The following PIDD1 variants were observed in gnomAD, a reference collection of about 807,000 sequenced individuals.
The protein encoded by PIDD1 is p53-induced death domain-containing protein 1.
A neutral mutation model predicts 80.0 loss-of-function variants in PIDD1; 72 were observed. The observed-to-expected ratio is 0.90, with a 90% confidence interval of 0.74 to 1.09. The LOEUF (loss-of-function observed/expected upper bound fraction) is 1.09, where lower values mean the gene tolerates loss of function less well. Ranked by LOEUF, PIDD1 falls within the 50% of genes least tolerant of loss-of-function variation. PIDD1 has a pLI of 0.00. For missense variants in PIDD1, 1,329 were observed against 1,228.3 expected (o/e 1.08, Z -1.23); for synonymous variants, 655 against 543.5 (o/e 1.21, Z -2.85).
chr11:807,499 C>T (rs928018327), upstream of PIDD1, among the ~76,000 whole-genome samples: 5 of 145,526 alleles, frequency 3.4e-5, no homozygotes, highest in Non-Finnish European at 6.0e-5. Context: ...AAAAATAGGC[C>T]GGGCGTGGTG....
chr11:799,646 G>T (rs1011780009), intron 15 of PIDD1, 81 bp from the exon 16 acceptor site: 24 of 1,473,268 alleles, frequency 1.6e-5, no homozygotes, highest in Non-Finnish European at 2.1e-5. Flanking sequence ...GGAGTGTGGG[G>T]GAGTTCCCGG....
upstream of PIDD1, among the ~76,000 whole-genome samples, chr11:807,149 GGCACT>G (rs1376476851): frequency 2.0e-5 from 3 of 146,896 alleles, no homozygotes; most frequent in Non-Finnish European, 3.0e-5. Context: ...CTGAGATCTC[GGCACT>G]GCACTCCAGC....
rs1865144689 is a variant in PIDD1 at position 800,177 on chromosome 11, T to C, written c.2228A>G (p.Lys743Arg). Residue 743 changes from lysine (K) to arginine (R), a missense_variant, in exon 14 of 16, where the codon AAG (lysine) becomes AGG (arginine). Transcript: ENST00000347755. Reference protein sequence around the residue: ...PEEAEAARQRKGADALWMATL... With the variant: ...PEEAEAARQRRGADALWMATL... ...GGCCATCCACAGGGCGTCTGCGCCC[T>C]TCCTCTGCCGGGCAGCCTCAGCCTC... The C allele has an allele frequency of 1.9e-6, 3 of 1,611,058 alleles. No homozygotes were observed. Among genetic ancestry groups the C allele is most frequent in the East Asian group, 2.2e-5 (1 of 44,864 alleles).
At chr11:807,180 ACT>A (rs1865820582), upstream of PIDD1, among the ~76,000 whole-genome samples, 2 of 116,092 alleles carry the variant, frequency 1.7e-5, no homozygotes, top group African/African-American at 7.4e-5. Context: ...TGAGAGTGAG[ACT>A]CCCTCTCAAA....
chr11:803,261 T>G lies in PIDD1; in HGVS notation c.622A>C (p.Thr208Pro), dbSNP rs778520943. The change falls in exon 3 of 16, where the codon ACG (threonine) becomes CCG (proline). Residue 208 changes from threonine to proline, a missense_variant. Physicochemically the swap from Thr to Pro is conservative, Grantham distance 38. Transcript: ENST00000347755. The part of the protein sequence containing the change: ...RLDLSQNLLD[T>P]LPPEIGGLGS... ...AGGCCTCCAATCTCAGGAGGTAGCG[T>G]GTCCAGCAGATTCTGAGAGAGATCG... 10 of 1,613,426 alleles carry G rather than the reference T, an allele frequency of 6.2e-6. No individual in the cohort carries two copies. Among genetic ancestry groups the G allele is most frequent in the Middle Eastern group, 1.6e-4 (1 of 6,062 alleles).
rs1590147204 is a variant in PIDD1, at chr11:802,558, G to A, written c.959C>T (p.Thr320Ile). 13 of 1,613,416 alleles carry A rather than the reference G, an allele frequency of 8.1e-6. No homozygotes were observed. The highest frequency in any genetic ancestry group is 1.0e-5 in the Non-Finnish European group (12 of 1,179,760). The change falls in exon 5 of 16, where the codon ACC (threonine) becomes ATC (isoleucine). Residue 320 changes from threonine to isoleucine, a missense_variant. Thr to Ile is a moderately conservative substitution (Grantham distance 89, BLOSUM62 -1). Transcript: ENST00000347755. ...LIPEMPRLFL[T>I]SDLDSFPVTP... ...CACCCCATACCTGTCCAAATCTGAG[G>A]TCAGGAACAGTCTGGGCATTTCTGG... is the stretch of plus-strand genomic sequence containing the variant.
At position 800,721 on chromosome 11, in the gene PIDD1, C is replaced by T. The variant is rs1465981784; in HGVS notation, c.1917+41G>A. Reference sequence around the variant, plus strand: ...CAAAGCTCTGCACCCCACCCCAGCCCTCTGGTCACCACCCTGCTGCCCTCC... The same window carrying T: ...CAAAGCTCTGCACCCCACCCCAGCCTTCTGGTCACCACCCTGCTGCCCTCC... On this transcript the variant is annotated intron_variant, in intron 11 of 15. Coordinates refer to ENST00000347755, the MANE Select transcript of PIDD1 (RefSeq NM_145886.4). The T allele has an allele frequency of 5.8e-6, 9 of 1,547,542 alleles. No homozygotes were observed. In the East Asian group the frequency reaches 7.3e-5, roughly 12 times the overall value.
chr11:805,353 TC>T, upstream of PIDD1: 2 of 456,512 alleles, frequency 4.4e-6, no homozygotes, highest in Non-Finnish European at 5.8e-6. Flanking sequence ...TCCCGGCTCC[TC>T]CCCGACCCGC....
rs940337071 is a variant in PIDD1 at position 804,500 on chromosome 11, G to C, written c.-75-37C>G. Reference sequence around the variant, plus strand: ...GGAGGAGGAGTGAGCGGGAGCCGGGGTGGGCCCTTCTCTTTGGGGAAACAG... The same window carrying C: ...GGAGGAGGAGTGAGCGGGAGCCGGGCTGGGCCCTTCTCTTTGGGGAAACAG... On this transcript the variant is annotated intron_variant, in intron 1 of 15. Coordinates refer to ENST00000347755, the MANE Select transcript of PIDD1 (RefSeq NM_145886.4). The C allele has an allele frequency of 4.1e-6, 6 of 1,450,454 alleles. No homozygotes were observed. The South Asian group carries it at 8.7e-5, about 21-fold the overall frequency. The allele number at this position is 1,450,454 out of a possible 1,614,324, so 89.8% of individuals were successfully genotyped here.
At chr11:799,673 C>CG (rs1248364782) in intron 15 of PIDD1, 108 bp from the exon 16 acceptor site, 4 of 1,397,762 alleles carry the variant, frequency 2.9e-6, no homozygotes. Flanking sequence ...GGGCCAGGTG[C>CG]GGCCAGACCT....
In PIDD1 at chr11:804,364, C is replaced by T. The variant is rs201791628; in HGVS notation, c.25G>A (p.Glu9Lys). MAATVEGP[E>K]LEAAAAAGDA... is the part of the protein sequence containing the mutation. ...CCTGCGGCAGCAGCTGCCTCCAGCT[C>T]TGGCCCCTCCACCGTTGCAGCCATC... Residue 9 changes from glutamate to lysine, a missense_variant, in exon 2 of 16, where the codon GAG becomes AAG. Physicochemically the swap from Glu to Lys is moderately conservative, Grantham distance 56. Coordinates refer to ENST00000347755, the MANE Select transcript of PIDD1 (RefSeq NM_145886.4). The T allele has an allele frequency of 1.9e-6, 3 of 1,601,478 alleles. No homozygotes were observed. Among genetic ancestry groups the T allele is most frequent in the Admixed American group, 3.4e-5 (2 of 59,456 alleles).
rs372092455 is a variant in PIDD1, at chr11:803,154, G to T, written c.709+20C>A. On this transcript the variant is annotated intron_variant, in intron 3 of 15. Coordinates refer to ENST00000347755, the MANE Select transcript of PIDD1 (RefSeq NM_145886.4). Reference sequence around the variant, plus strand: ...GACCCTCCCGTGGGGCCAGTGTGTCGGGGCGCAGGGGCTACTCACCCAGAG... The same window carrying T: ...GACCCTCCCGTGGGGCCAGTGTGTCTGGGCGCAGGGGCTACTCACCCAGAG... 1.0e-4 allele frequency: 157 copies of T among 1,541,874 alleles called. No individual in the cohort carries two copies. The highest frequency in any genetic ancestry group is 1.3e-4 in the Non-Finnish European group (145 of 1,132,320).
rs1565060798 is a variant in PIDD1 at position 802,035 on chromosome 11, A to ACTT, written c.1229_1231dup (p.Glu410dup). 2 of 1,597,730 alleles carry ACTT rather than the reference A, an allele frequency of 1.3e-6. No homozygotes were observed. The highest frequency in any genetic ancestry group is 1.7e-6 in the Non-Finnish European group (2 of 1,172,814). ...GTTGTCATTCCGGGTCCTGACCACC[A>ACTT]CTTCACGGCAGCGCCGGGCCTGCGG... On this transcript the variant is annotated inframe_insertion, in exon 7 of 16. Coordinates refer to ENST00000347755, the MANE Select transcript of PIDD1 (RefSeq NM_145886.4).
rs1237709316 is a variant in PIDD1 at position 802,264 on chromosome 11, G to A, written c.1107C>T (p.Pro369=). 1.9e-6 allele frequency: 3 copies of A among 1,611,936 alleles called. No individual in the cohort carries two copies. Among genetic ancestry groups the A allele is most frequent in the Non-Finnish European group, 2.5e-6 (3 of 1,179,552 alleles). ...TGAGCAGGGCGTCATGAGGACCCAG[G>A]GGGACGAGGCCTGGCTCCGGCAGCA... ...RLLLPEPGLV[P]LGPHDALLSH... is the part of the protein sequence containing the mutation. Residue 369 remains proline, a synonymous_variant, in exon 6 of 16, where the codon CCC becomes CCT. Coordinates refer to ENST00000347755, the MANE Select transcript of PIDD1 (RefSeq NM_145886.4).
chr11:802,217 G>A lies in PIDD1; in HGVS notation c.1154C>T (p.Pro385Leu). The part of the protein sequence containing the change: ...ALLSHVLELQ[P>L]HGVAFQQDVG... ...TGCCTGCTGGAAGGCCACCCCATGG[G>A]GCTGCAGCTCCAGCACATGGCTGAG... is the stretch of plus-strand genomic sequence containing the variant. The change falls in exon 6 of 16, where the codon CCC (proline) becomes CTC (leucine). Residue 385 changes from proline (P) to leucine (L), a missense_variant. Coordinates refer to ENST00000347755, the MANE Select transcript of PIDD1 (RefSeq NM_145886.4). 1.2e-6 allele frequency: 2 copies of A among 1,609,166 alleles called. No individual in the cohort carries two copies. The highest frequency in any genetic ancestry group is 1.7e-6 in the Non-Finnish European group (2 of 1,178,388).
chr11:805,209 T>G lies in PIDD1; in HGVS notation c.-106A>C. On this transcript the variant is annotated 5_prime_UTR_variant, in exon 1 of 16. Coordinates refer to ENST00000347755, the MANE Select transcript of PIDD1 (RefSeq NM_145886.4). ...CTGCAGGCGGCGCGCAAAGGGTGGC[T>G]GCTCAGCGGGCGCTCGGCGCCTGGG... 2 of 983,238 alleles carry G rather than the reference T, an allele frequency of 2.0e-6. No homozygotes were observed. Among genetic ancestry groups the G allele is most frequent in the Non-Finnish European group, 2.4e-6 (2 of 828,062 alleles). 60.9% of individuals were successfully genotyped at this position (983,238 alleles called of 1,614,324 possible). A position where few individuals can be genotyped will look rare whatever the true frequency, so the allele number is the denominator to read the frequency against.
At position 799,269 on chromosome 11, in the gene PIDD1, C is replaced by CT; in HGVS notation, c.*37dup. Reference sequence around the variant, plus strand: ...TGAAGGTGGGGGCTCTGCCCATCCACTGGGGAATATCTGGGCCAGCCTAAA... The same window carrying CT: ...TGAAGGTGGGGGCTCTGCCCATCCACTTGGGGAATATCTGGGCCAGCCTAAA... On this transcript the variant is annotated 3_prime_UTR_variant, in exon 16 of 16. Transcript: ENST00000347755. 6.5e-7 allele frequency: 1 copy of CT among 1,534,216 alleles called. No homozygotes were observed. The highest frequency in any genetic ancestry group is 8.8e-7 in the Non-Finnish European group (1 of 1,142,534).
chr11:803,067 A>G, intron 3 of PIDD1, 107 bp downstream of exon 3: 2 of 991,118 alleles, frequency 2.0e-6, no homozygotes, highest in South Asian at 3.1e-5. Flanking sequence ...GACAACCAAG[A>G]GGCAGCTGTG....
In PIDD1 at chr11:802,571, T is replaced by C; in HGVS notation, c.946A>G (p.Arg316Gly). 2 of 1,613,296 alleles carry C rather than the reference T, an allele frequency of 1.2e-6. No individual in the cohort carries two copies. The highest frequency in any genetic ancestry group is 1.7e-6 in the Non-Finnish European group (2 of 1,179,750). ...PVAALIPEMPRLFLTSDLDSF... is the reference protein window; with the variant it reads ...PVAALIPEMPGLFLTSDLDSF... ...TCCAAATCTGAGGTCAGGAACAGTC[T>C]GGGCATTTCTGGAATGAGGGCTGCC... Residue 316 changes from arginine to glycine, a missense_variant, in exon 5 of 16, where the codon AGA becomes GGA. Coordinates refer to ENST00000347755, the MANE Select transcript of PIDD1 (RefSeq NM_145886.4).
Sources: gnomAD v4.1 joint callset for allele counts (sites outside exome capture counted in the v4.1 genomes callset) on GRCh38, gnomAD v4.1.1 for gene constraint, MANE v1.5 for transcripts, NCBI Gene and HGNC (gene_info 2026-07-23, HGNC 2026-07-21) for gene names.